The following PCDH15 variants were observed in gnomAD, a reference collection of about 807,000 sequenced individuals.
PCDH15 encodes protocadherin related 15.
In PCDH15, 129 loss-of-function variants were observed where a neutral mutation model predicts 178.5. The observed-to-expected ratio is 0.72, with a 90% confidence interval of 0.63 to 0.84. PCDH15 has a LOEUF of 0.84. Ranked by LOEUF, PCDH15 falls within the 40% of genes least tolerant of loss-of-function variation. The pLI, the probability that PCDH15 is intolerant of heterozygous loss-of-function variation, is 0.00. For synonymous variants in PCDH15, 800 were observed against 732.0 expected, an observed-to-expected ratio of 1.09 and a Z score of -1.50; for missense variants, 2,230 against 2,099.9, an observed-to-expected ratio of 1.06 and a Z score of -1.21.
At chr10:54,138,765 A>T (rs981479896) in intron 14 of PCDH15, among the ~76,000 whole-genome samples, 6 of 152,196 alleles carry the variant, frequency 3.9e-5, no homozygotes, top group African/African-American at 9.6e-5. Flanking sequence ...TGGATTACCT[A>T]CTGAGGTCAA....
chr10:54,297,315 T>A (rs1459426206), intron 8 of PCDH15, among the ~76,000 whole-genome samples: 1 of 152,186 alleles, frequency 6.6e-6, no homozygotes, highest in Non-Finnish European at 1.5e-5. Flanking sequence ...AGCTCATTTT[T>A]TTCTGCACTA....
At chr10:53,917,662 C>T (rs1900452) in intron 25 of PCDH15, among the ~76,000 whole-genome samples, 104,764 of 151,936 alleles carry the variant, frequency 0.69, 36,721 homozygotes, top group East Asian at 1. Flanking sequence ...TATAAAGGAG[C>T]TGTTTCTAAA....
At chr10:54,237,071 T>C in intron 8 of PCDH15, 140 bp from the exon 9 acceptor site, 1 of 763,964 alleles carries the variant, frequency 1.3e-6, no homozygotes, top group South Asian at 1.5e-5. Flanking sequence ...TCTAATACCT[T>C]TTACTAGTTA....
intron 2 of PCDH15, among the ~76,000 whole-genome samples, chr10:55,105,341 A>G (rs1842650486): frequency 6.6e-6 from 1 of 152,158 alleles, no homozygotes; most frequent in Admixed American, 6.6e-5. Context: ...ATTTATTGGA[A>G]AAAAATCACA....
chr10:54,420,555 T>A (rs995328223), intron 3 of PCDH15, among the ~76,000 whole-genome samples: 1 of 152,122 alleles, frequency 6.6e-6, no homozygotes, highest in Admixed American at 6.6e-5. Flanking sequence ...GGGTGTGGTC[T>A]AAATGAATGG....
intron 1 of PCDH15, among the ~76,000 whole-genome samples, chr10:54,773,230 T>A (rs1256750975): frequency 2.0e-5 from 3 of 152,026 alleles, no homozygotes; most frequent in African/African-American, 7.2e-5. Flanking sequence ...CTGCATATGC[T>A]GCACATGTAC....
At chr10:55,153,334 C>T (rs1291496850) in intron 2 of PCDH15, among the ~76,000 whole-genome samples, 1 of 152,126 alleles carries the variant, frequency 6.6e-6, no homozygotes, top group Non-Finnish European at 1.5e-5. Context: ...CTCTTCCCTT[C>T]ACCAAGTTGC....
chr10:54,655,292 G>GAGAGAGAC (rs2094367432), intron 2 of PCDH15, among the ~76,000 whole-genome samples: 25 of 121,168 alleles, frequency 2.1e-4, no homozygotes, highest in South Asian at 9.2e-4. Context: ...GAGAGAGAGA[G>GAGAGAGAC]AGAGAGAGAG....
At chr10:54,469,376 C>G (rs1013949795) in intron 3 of PCDH15, among the ~76,000 whole-genome samples, 5 of 152,210 alleles carry the variant, frequency 3.3e-5, no homozygotes, top group African/African-American at 1.2e-4. Flanking sequence ...GGATTACAGG[C>G]ATGAGCCAGC....
At chr10:55,096,681 A>G (rs1842456261) in intron 2 of PCDH15, among the ~76,000 whole-genome samples, 1 of 151,998 alleles carries the variant, frequency 6.6e-6, no homozygotes, top group Non-Finnish European at 1.5e-5. Context: ...TCTATTCTCT[A>G]TTTCAATGAG....
intron 2 of PCDH15, among the ~76,000 whole-genome samples, chr10:55,582,596 G>GTATATATATATATATA (rs56817323): frequency 3.3e-5 from 3 of 90,300 alleles, no homozygotes; most frequent in Admixed American, 1.4e-4. Context: ...ATGTGTATGT[G>GTATATATATATATATA]TATATATATA....
chr10:54,861,804 T>G (rs1180546306), intron 3 of PCDH15, among the ~76,000 whole-genome samples: 1 of 152,170 alleles, frequency 6.6e-6, no homozygotes, highest in Non-Finnish European at 1.5e-5. Flanking sequence ...ACCCTAAAGA[T>G]TCCTCCAAAA....
chr10:55,426,440 C>T (rs1230392655), intron 2 of PCDH15, among the ~76,000 whole-genome samples: 1 of 152,114 alleles, frequency 6.6e-6, no homozygotes, highest in African/African-American at 2.4e-5. Flanking sequence ...GGTACAGGAG[C>T]AGGCAGAATC....
chr10:55,548,735 G>T (rs1421369859), intron 2 of PCDH15, among the ~76,000 whole-genome samples: 1 of 152,044 alleles, frequency 6.6e-6, no homozygotes, highest in Non-Finnish European at 1.5e-5. Context: ...AAGTTTTAAG[G>T]GTCAGGAGAT....
chr10:55,207,017 A>C (rs72803804), intron 1 of PCDH15, among the ~76,000 whole-genome samples: 24,261 of 151,798 alleles, frequency 0.16, 2,632 homozygotes, highest in Non-Finnish European at 0.24. Flanking sequence ...GTTTCTCTCT[A>C]TATATATCAG....
chr10:54,730,700 A>T (rs1182084371), intron 1 of PCDH15, among the ~76,000 whole-genome samples: 1 of 151,504 alleles, frequency 6.6e-6, no homozygotes, highest in Admixed American at 6.6e-5. Flanking sequence ...AAAACTGGAT[A>T]ACCATATGTA....
At chr10:54,444,207 T>C (rs1481453402) in intron 3 of PCDH15, among the ~76,000 whole-genome samples, 6 of 151,700 alleles carry the variant, frequency 4.0e-5, no homozygotes, top group Non-Finnish European at 8.9e-5. Context: ...CAAAAAGTAA[T>C]GTATAGAGAG....
chr10:54,706,613 G>A (rs775400058), intron 1 of PCDH15, among the ~76,000 whole-genome samples: 7 of 152,014 alleles, frequency 4.6e-5, no homozygotes, highest in Non-Finnish European at 2.9e-5. Context: ...AAATGGGGGC[G>A]AGGAAGACAT....
At chr10:55,289,915 TA>T (rs1564972933) in intron 1 of PCDH15, among the ~76,000 whole-genome samples, 1 of 151,916 alleles carries the variant, frequency 6.6e-6, no homozygotes, top group Non-Finnish European at 1.5e-5. Context: ...TGGGTTGTAG[TA>T]AAAGCAAGCT....
Sources: gnomAD v4.1 joint callset for allele counts (sites outside exome capture counted in the v4.1 genomes callset) on GRCh38, gnomAD v4.1.1 for gene constraint, MANE v1.5 for transcripts, NCBI Gene and HGNC (gene_info 2026-07-23, HGNC 2026-07-21) for gene names.